MAP3K5: variants seen among roughly 807,000 people sequenced by gnomAD.
The protein encoded by MAP3K5 is ASK-1.
A neutral mutation model predicts 158.7 loss-of-function variants in MAP3K5; 56 were observed. The ratio of observed to expected loss-of-function variants is 0.35; its 90% CI spans 0.28 to 0.44. The LOEUF (loss-of-function observed/expected upper bound fraction) is 0.44. Among genes scored for constraint, MAP3K5 ranks in the 20% least tolerant of loss-of-function variants. The pLI is 1.00. For missense variants in MAP3K5, 1,294 were observed against 1,674.8 expected, an observed-to-expected ratio of 0.77 and a Z score of 3.97; for synonymous variants, 579 against 601.7, an observed-to-expected ratio of 0.96 and a Z score of 0.55.
intron 7 of MAP3K5, among the ~76,000 whole-genome samples, chr6:136,693,192 A>C (rs777878358): frequency 6.6e-6 from 1 of 152,178 alleles, no homozygotes; most frequent in Non-Finnish European, 1.5e-5. Flanking sequence ...ACAGCTCATG[A>C]AGCTGATTCT....
At chr6:136,588,612 C>T (rs991582730) in intron 23 of MAP3K5, among the ~76,000 whole-genome samples, 4 of 152,154 alleles carry the variant, frequency 2.6e-5, no homozygotes, top group Admixed American at 6.5e-5. Context: ...GCCTGGCCTT[C>T]GACTGATGCT....
chr6:136,698,992 T>G (rs979436172), intron 3 of MAP3K5, among the ~76,000 whole-genome samples: 10 of 152,208 alleles, frequency 6.6e-5, no homozygotes, highest in African/African-American at 2.4e-4. Flanking sequence ...GTTTAAAGCA[T>G]GGCCTTCAGC....
intron 1 of MAP3K5, among the ~76,000 whole-genome samples, chr6:136,761,646 G>A (rs1783764372): frequency 6.6e-6 from 1 of 152,198 alleles, no homozygotes; most frequent in South Asian, 2.1e-4. Flanking sequence ...CAACCCTGCG[G>A]CTGGGGCTGG....
intron 15 of MAP3K5, among the ~76,000 whole-genome samples, chr6:136,615,612 C>T (rs1449341515): frequency 1.3e-5 from 2 of 152,112 alleles, no homozygotes; most frequent in Non-Finnish European, 2.9e-5. Flanking sequence ...TGCAGGAGCT[C>T]AGTCCAAATC....
chr6:136,718,620 G>A (rs2068198313), intron 2 of MAP3K5, among the ~76,000 whole-genome samples: 2 of 152,146 alleles, frequency 1.3e-5, no homozygotes, highest in African/African-American at 2.4e-5. Flanking sequence ...CCTTTTTAAG[G>A]AACTACTTCA....
At chr6:136,615,718 T>C (rs1389575405) in intron 15 of MAP3K5, among the ~76,000 whole-genome samples, 2 of 152,150 alleles carry the variant, frequency 1.3e-5, no homozygotes. Context: ...TAGATCTATA[T>C]ATAATCTAAA....
intron 19 of MAP3K5, among the ~76,000 whole-genome samples, chr6:136,602,199 TA>T (rs1239016651): frequency 6.6e-6 from 1 of 152,204 alleles, no homozygotes; most frequent in Non-Finnish European, 1.5e-5. Context: ...GCAGAATAAT[TA>T]GTTGAAGACA....
At chr6:136,712,459 C>T (rs575771622) in intron 2 of MAP3K5, among the ~76,000 whole-genome samples, 7 of 152,198 alleles carry the variant, frequency 4.6e-5, no homozygotes, top group South Asian at 2.1e-4. Context: ...CAGCTGTGCC[C>T]GGCCTAACAG....
intron 2 of MAP3K5, among the ~76,000 whole-genome samples, chr6:136,712,423 C>A (rs941362719): frequency 2.0e-5 from 3 of 152,114 alleles, no homozygotes; most frequent in African/African-American, 7.2e-5. Flanking sequence ...ATCCACCTGC[C>A]TCAGCCTCCC....
chr6:136,702,107 T>C (rs1028906525), intron 3 of MAP3K5, among the ~76,000 whole-genome samples: 12 of 152,094 alleles, frequency 7.9e-5, no homozygotes, highest in African/African-American at 2.9e-4. Flanking sequence ...TACCTAAGCA[T>C]GCTAAGGGTT....
intron 1 of MAP3K5, 113 bp downstream of exon 1, chr6:136,791,597 A>C: frequency 8.6e-7 from 1 of 1,169,124 alleles, no homozygotes; most frequent in South Asian, 1.4e-5. Context: ...CGCTGCCCCC[A>C]AAGTGGGGCA....
In MAP3K5 at chr6:136,792,317, C is replaced by G; in HGVS notation, c.-160G>C. On this transcript the variant is annotated 5_prime_UTR_variant, in exon 1 of 30. Transcript: ENST00000359015. The surrounding 1 kb of genome is among the most constrained non-coding windows in gnomAD (Gnocchi z 5.7). ...GCCGCCTCCTCTCCGGCGCCCTCTC[C>G]CCCGAGGGCACGCCGCTGCCCGGCG... 2 of 1,035,060 alleles carry G rather than the reference C, an allele frequency of 1.9e-6. No homozygotes were observed. The highest frequency in any genetic ancestry group is 5.7e-5 in the Admixed American group (1 of 17,494). 64.1% of individuals were successfully genotyped at this position (1,035,060 alleles called of 1,614,324 possible).
At chr6:136,722,176 G>A (rs1390827830) in intron 1 of MAP3K5, among the ~76,000 whole-genome samples, 1 of 152,164 alleles carries the variant, frequency 6.6e-6, no homozygotes, top group African/African-American at 2.4e-5. Flanking sequence ...ATAGCTATTA[G>A]AAGTAATAAT....
At chr6:136,765,052 T>G (rs1360503335) in intron 1 of MAP3K5, among the ~76,000 whole-genome samples, 1 of 152,142 alleles carries the variant, frequency 6.6e-6, no homozygotes, top group Non-Finnish European at 1.5e-5. Flanking sequence ...TTATACAGTA[T>G]CCTAACAAAA....
chr6:136,564,219 C>G lies in MAP3K5; in HGVS notation c.3762-1604G>C, dbSNP rs115626871. On this transcript the variant is annotated intron_variant, in intron 26 of 29. Transcript: ENST00000359015. ...TTTCCAGGACTCAGTGGGAAGGAAACCTTCCCAGACCCCCAGGCTCGACCC... is the reference window on the plus strand; with the variant it reads ...TTTCCAGGACTCAGTGGGAAGGAAAGCTTCCCAGACCCCCAGGCTCGACCC... Among the ~76,000 whole-genome samples the G allele has an allele frequency of 1.1e-3, 160 of 152,266 alleles. 2 individuals carry two copies. The highest frequency in any genetic ancestry group is 3.8e-3 in the African/African-American group (158 of 41,544).
intron 7 of MAP3K5, among the ~76,000 whole-genome samples, chr6:136,678,720 G>A (rs1306934849): frequency 6.6e-6 from 1 of 151,798 alleles, no homozygotes; most frequent in African/African-American, 2.4e-5. Flanking sequence ...TTGAAAGGGG[G>A]CAAATAATTT....
chr6:136,652,617 T>G (rs1583349062), intron 10 of MAP3K5, among the ~76,000 whole-genome samples: 1 of 152,216 alleles, frequency 6.6e-6, no homozygotes. Context: ...ACTCTCTTCA[T>G]TGACAAGTGA....
At position 136,771,994 on chromosome 6, in the gene MAP3K5, T is replaced by C. The variant is rs555546046; in HGVS notation, c.448+19716A>G. ...GAGTGCAGTGGCTCACTGCAACCTC[T>C]GCTTCCCAGGTTCAAGCGATTCTCC... On this transcript the variant is annotated intron_variant, in intron 1 of 29. Transcript: ENST00000359015. Among the ~76,000 whole-genome samples the C allele has an allele frequency of 1.5e-4, 23 of 151,740 alleles. No individual in the cohort carries two copies. In the East Asian group the frequency reaches 4.1e-3, roughly 27 times the overall value.
chr6:136,595,173 A>C (rs371047532), intron 21 of MAP3K5, among the ~76,000 whole-genome samples: 3 of 152,180 alleles, frequency 2.0e-5, no homozygotes, highest in Non-Finnish European at 1.5e-5. Flanking sequence ...GCTGGAGTGC[A>C]GTGGCATGAT....
Sources: allele counts gnomAD v4.1 joint callset (sites outside exome capture counted in the v4.1 genomes callset), GRCh38; gene constraint gnomAD v4.1.1; non-coding constraint Gnocchi (gnomAD v3.1); transcripts MANE v1.5; gene names NCBI Gene and HGNC (gene_info 2026-07-23, HGNC 2026-07-21).